PAPPA: variants seen among roughly 807,000 people sequenced by gnomAD.
The protein encoded by PAPPA is pappalysin-1.
PAPPA carries 60 observed loss-of-function variants against 164.0 expected under a neutral mutation model. The observed-to-expected ratio is 0.37, with a 90% CI of 0.30 to 0.45. The LOEUF (loss-of-function observed/expected upper bound fraction) is 0.45. PAPPA is among the 20% of genes least tolerant of loss of function. The pLI is 1.00. For missense variants in PAPPA, 1,782 were observed against 2,087.3 expected (o/e 0.85, Z 2.85); for synonymous variants, 875 against 814.1 (o/e 1.07, Z -1.27).
chr9:116,215,523 T>C (rs573065740), intron 4 of PAPPA, among the ~76,000 whole-genome samples: 1 of 152,228 alleles, frequency 6.6e-6, no homozygotes, highest in African/African-American at 2.4e-5. Context: ...TTCTCACTTA[T>C]AAGTGGGGGC....
chr9:116,161,580 A>G (rs1416234145), intron 1 of PAPPA, among the ~76,000 whole-genome samples: 3 of 152,100 alleles, frequency 2.0e-5, no homozygotes, highest in Non-Finnish European at 4.4e-5. Context: ...GTTAATCTTG[A>G]TAGGTGTGAT....
intron 11 of PAPPA, 97 bp from the exon 12 acceptor site, chr9:116,332,236 A>T: frequency 9.4e-7 from 1 of 1,069,464 alleles, no homozygotes; most frequent in Non-Finnish European, 1.4e-6. Flanking sequence ...CCCAGTTCTT[A>T]AAAAGGAAGT....
At chr9:116,227,695 C>G in intron 6 of PAPPA, 143 bp downstream of exon 6, 1 of 850,240 alleles carries the variant, frequency 1.2e-6, no homozygotes, top group Non-Finnish European at 1.8e-6. Context: ...GGTTAGTAGT[C>G]AAGCGCTCAT....
chr9:116,309,681 G>A (rs1449459162), intron 10 of PAPPA, among the ~76,000 whole-genome samples: 1 of 151,866 alleles, frequency 6.6e-6, no homozygotes. Flanking sequence ...GCTGCGAGGG[G>A]TATATCCAAA....
At chr9:116,167,677 T>A (rs1843732504) in intron 1 of PAPPA, among the ~76,000 whole-genome samples, 1 of 152,154 alleles carries the variant, frequency 6.6e-6, no homozygotes, top group Non-Finnish European at 1.5e-5. Context: ...AATAGAACAG[T>A]GACTCTGGAG....
intron 21 of PAPPA, among the ~76,000 whole-genome samples, chr9:116,385,981 A>T (rs1846806088): frequency 6.6e-6 from 1 of 152,240 alleles, no homozygotes; most frequent in South Asian, 2.1e-4. Flanking sequence ...TGAAGGTCCG[A>T]GAAAGCTTCT....
chr9:116,276,323 T>C (rs949794969), intron 9 of PAPPA, among the ~76,000 whole-genome samples: 7 of 152,198 alleles, frequency 4.6e-5, no homozygotes, highest in Non-Finnish European at 1.5e-5. Flanking sequence ...GTGCTGGAAA[T>C]GTGTTACCTT....
At chr9:116,212,355 C>T (rs898468754) in intron 4 of PAPPA, among the ~76,000 whole-genome samples, 4 of 151,944 alleles carry the variant, frequency 2.6e-5, no homozygotes, top group South Asian at 2.1e-4. Flanking sequence ...TATCATAGTA[C>T]TTTTGAGTAC....
rs140732151 is a variant in PAPPA, at chr9:116,312,672, C to T, written c.3147+9722C>T. ...TTTTTGTTTGTCTTTCAAGTCCCCTCGTCTCTACTCTCTATTCCTCCCCAC... is the reference window on the plus strand; with the variant it reads ...TTTTTGTTTGTCTTTCAAGTCCCCTTGTCTCTACTCTCTATTCCTCCCCAC... On this transcript the variant is annotated intron_variant, in intron 10 of 21. Coordinates refer to ENST00000328252, the MANE Select transcript of PAPPA (RefSeq NM_002581.5). Among the ~76,000 whole-genome samples, 120 of 152,296 alleles carry T rather than the reference C, an allele frequency of 7.9e-4. No individual in the cohort carries two copies. In the Middle Eastern group the frequency reaches 0.014, roughly 17 times the overall value.
chr9:116,229,962 GA>G (rs1844569290), intron 6 of PAPPA, among the ~76,000 whole-genome samples: 1 of 152,184 alleles, frequency 6.6e-6, no homozygotes, highest in Non-Finnish European at 1.5e-5. Context: ...ATTATTTCCA[GA>G]CATCTCCCCA....
At chr9:116,265,801 CTCTT>C in intron 7 of PAPPA, 52 bp from the exon 8 acceptor site, 5 of 1,464,784 alleles carry the variant, frequency 3.4e-6, no homozygotes, top group Non-Finnish European at 3.7e-6. Context: ...TTTCCATTCT[CTCTT>C]TGTCTGCCCA....
At chr9:116,338,076 C>T (rs1846084619) in intron 13 of PAPPA, among the ~76,000 whole-genome samples, 1 of 152,154 alleles carries the variant, frequency 6.6e-6, no homozygotes, top group Admixed American at 6.5e-5. Flanking sequence ...CAGTATCTGT[C>T]ACACACACAT....
At chr9:116,268,476 C>T (rs1284197779) in intron 8 of PAPPA, among the ~76,000 whole-genome samples, 2 of 152,108 alleles carry the variant, frequency 1.3e-5, no homozygotes, top group Admixed American at 6.5e-5. Flanking sequence ...ATCCAGAAAA[C>T]ATTTGCAGTC....
intron 7 of PAPPA, among the ~76,000 whole-genome samples, chr9:116,243,338 A>G (rs1450293202): frequency 1.3e-5 from 2 of 152,204 alleles, no homozygotes; most frequent in African/African-American, 4.8e-5. Flanking sequence ...GATTTGTAGC[A>G]TTTACTACTG....
At chr9:116,180,646 G>C (rs963973265) in intron 1 of PAPPA, among the ~76,000 whole-genome samples, 2 of 151,976 alleles carry the variant, frequency 1.3e-5, no homozygotes, top group Non-Finnish European at 2.9e-5. Context: ...AATACGAATT[G>C]CATATAAATT....
At chr9:116,276,331 C>G (rs1326776828) in intron 9 of PAPPA, among the ~76,000 whole-genome samples, 3 of 152,152 alleles carry the variant, frequency 2.0e-5, no homozygotes, top group Non-Finnish European at 4.4e-5. Context: ...AATGTGTTAC[C>G]TTCTGAGATG....
In PAPPA at chr9:116,361,160, A is replaced by G. The variant is rs148042654; in HGVS notation, c.4348-1432A>G. 4.2e-3 allele frequency among the ~76,000 whole-genome samples: 642 copies of G among 152,358 alleles called. 18 individuals are homozygous for G. Among genetic ancestry groups the G allele is most frequent in the East Asian group, 0.02 (105 of 5,186 alleles). ...TTAAGGCTGGGAGGGCTCTGGAGCC[A>G]GCACAGGAGTTTGCATGGAAGCTGA... On this transcript the variant is annotated intron_variant, in intron 17 of 21. Coordinates refer to ENST00000328252, the MANE Select transcript of PAPPA (RefSeq NM_002581.5).
rs769567920 is a variant in PAPPA at position 116,187,233 on chromosome 9, C to A, written c.495C>A (p.Asn165Lys). Residue 165 changes from asparagine (N) to lysine (K), a missense_variant, in exon 2 of 22, where the codon AAC becomes AAA. Coordinates refer to ENST00000328252, the MANE Select transcript of PAPPA (RefSeq NM_002581.5). The surrounding 1 kb of genome is among the most constrained non-coding windows in gnomAD (Gnocchi z 4.2). ...TTCACACCATCAGTGACCAAGACAACAAAGACCCACGCTACTTTTTCTCCT... is the reference window on the plus strand; with the variant it reads ...TTCACACCATCAGTGACCAAGACAAAAAAGACCCACGCTACTTTTTCTCCT... Reference protein sequence around the residue: ...VGIHTISDQDNKDPRYFFSLK... With the variant: ...VGIHTISDQDKKDPRYFFSLK... The A allele has an allele frequency of 5.1e-5, 83 of 1,614,144 alleles. No individual in the cohort carries two copies. In the East Asian group the frequency reaches 1.8e-3, roughly 34 times the overall value.
intron 5 of PAPPA, among the ~76,000 whole-genome samples, chr9:116,225,256 A>C (rs1210824985): frequency 6.6e-6 from 1 of 152,214 alleles, no homozygotes; most frequent in Non-Finnish European, 1.5e-5. Flanking sequence ...GGTCATCCTA[A>C]GGGAATGCCT....
Sources: allele counts gnomAD v4.1 joint callset (sites outside exome capture counted in the v4.1 genomes callset), GRCh38; gene constraint gnomAD v4.1.1; non-coding constraint Gnocchi (gnomAD v3.1); transcripts MANE v1.5; gene names NCBI Gene and HGNC (gene_info 2026-07-23, HGNC 2026-07-21).